Variants in RPS6KA4 observed in about 807,000 individuals in gnomAD.
The protein encoded by RPS6KA4 is ribosomal protein S6 kinase alpha-4.
RPS6KA4 carries 38 observed loss-of-function variants against 89.6 expected under a neutral mutation model. The observed-to-expected ratio is 0.42, with a 90% CI of 0.33 to 0.56. The LOEUF is 0.56. Among genes scored for constraint, RPS6KA4 ranks in the 20% least tolerant of loss-of-function variants. RPS6KA4 has a pLI of 0.07. For missense variants in RPS6KA4, 873 were observed against 1,098.8 expected (o/e 0.79, Z 2.90); for synonymous variants, 495 against 492.8 (o/e 1.00, Z -0.06).
chr11:64,371,822 C>T lies in RPS6KA4; in HGVS notation c.*342C>T. The T allele has an allele frequency of 4.7e-6, 1 of 211,462 alleles. No homozygotes were observed. The highest frequency in any genetic ancestry group is 9.3e-6 in the Non-Finnish European group (1 of 106,978). 13.1% of individuals were successfully genotyped at this position (211,462 alleles called of 1,614,324 possible). Reference sequence around the variant, plus strand: ...CTAAGCACTGAGTTAGGAGTGCTAACTCCTAAACTGGGACCCCCTACCCTG... The same window carrying T: ...CTAAGCACTGAGTTAGGAGTGCTAATTCCTAAACTGGGACCCCCTACCCTG... On this transcript the variant is annotated 3_prime_UTR_variant, in exon 17 of 17. Transcript: ENST00000334205.
At chr11:64,371,186 A>G (rs1359491160) in intron 16 of RPS6KA4, 97 bp from the exon 17 acceptor site, 28 of 1,187,834 alleles carry the variant, frequency 2.4e-5, no homozygotes, top group Non-Finnish European at 3.2e-5. Context: ...GCCTTGACCT[A>G]GGCGGCTGGA....
In RPS6KA4 at chr11:64,359,440, G is replaced by C. The variant is rs1400337592; in HGVS notation, c.118G>C (p.Gly40Arg). ...GAACTTCGAGCTGCTCAAGGTGCTGGGCACGGGAGGTGAGGACCCCCATCC... is the reference window on the plus strand; with the variant it reads ...GAACTTCGAGCTGCTCAAGGTGCTGCGCACGGGAGGTGAGGACCCCCATCC... ...VENFELLKVL[G>R]TGAYGKVFLV... Residue 40 changes from glycine (G) to arginine (R), a missense_variant, in exon 2 of 17, where the codon GGC becomes CGC. Coordinates refer to ENST00000334205, the MANE Select transcript of RPS6KA4 (RefSeq NM_003942.3). The C allele has an allele frequency of 6.2e-7, 1 of 1,613,394 alleles. No individual in the cohort carries two copies.
rs984346984 is a variant in RPS6KA4, at chr11:64,361,202, C to T, written c.531C>T (p.Leu177=). ...VLLDSEGHIV[L]TDFGLSKEFL... ...TGGACTCCGAGGGCCACATTGTCCTCACGGACTTCGGGCTGAGCAAGGAGT... is the reference window on the plus strand; with the variant it reads ...TGGACTCCGAGGGCCACATTGTCCTTACGGACTTCGGGCTGAGCAAGGAGT... The change falls in exon 5 of 17, where the codon CTC becomes CTT. Residue 177 remains leucine (L), a synonymous_variant. Coordinates refer to ENST00000334205, the MANE Select transcript of RPS6KA4 (RefSeq NM_003942.3). This position sits in a 1 kb window ranked among gnomAD's most constrained non-coding sequence, Gnocchi z 4.7. The T allele has an allele frequency of 3.1e-6, 5 of 1,613,492 alleles. No homozygotes were observed. Among genetic ancestry groups the T allele is most frequent in the African/African-American group, 1.3e-5 (1 of 75,046 alleles).
At position 64,369,557 on chromosome 11, in the gene RPS6KA4, G is replaced by T. The variant is rs2036996280; in HGVS notation, c.1540G>T (p.Val514Leu). 3 of 1,606,902 alleles carry T rather than the reference G, an allele frequency of 1.9e-6. No homozygotes were observed. The highest frequency in any genetic ancestry group is 2.5e-6 in the Non-Finnish European group (3 of 1,177,308). ...SEASQILRSL[V>L]SAVSFMHEEA... ...AGCAAGCCAGATCCTGCGCAGCCTC[G>T]TGTCGGCCGTGAGCTTCATGCACGA... The change falls in exon 13 of 17, where the codon GTG (valine) becomes TTG (leucine). Residue 514 changes from valine to leucine, a missense_variant. Around this residue, in one of 4 missense-constraint regions of RPS6KA4, gnomAD observed 542 missense variants for 736.4 expected, o/e 0.74. Transcript: ENST00000334205.
intron 4 of RPS6KA4, 175 bp from the exon 5 acceptor site, chr11:64,360,956 CCTT>C: frequency 6.8e-6 from 4 of 584,586 alleles, no homozygotes; most frequent in South Asian, 2.2e-5. Flanking sequence ...ACGGGGCCCT[CCTT>C]CTTTGTTTTA....
At position 64,361,933 on chromosome 11, in the gene RPS6KA4, G is replaced by A; in HGVS notation, c.837G>A (p.Lys279=). The A allele has an allele frequency of 6.2e-7, 1 of 1,611,382 alleles. No homozygotes were observed. The highest frequency in any genetic ancestry group is 8.5e-7 in the Non-Finnish European group (1 of 1,179,382). Residue 279 remains lysine, a synonymous_variant, in exon 8 of 17, where the codon AAG becomes AAA. Transcript: ENST00000334205. The surrounding 1 kb of genome is among the most constrained non-coding windows in gnomAD (Gnocchi z 4.7). ...AQDLLQRLLC[K]DPKKRLGAGP... is the part of the protein sequence containing the mutation. ...ACCTGCTGCAGCGGCTGCTTTGTAA[G>A]GATCCTAAGAAGCGATTGGGCGCGG...
rs777217932 is a variant in RPS6KA4, at chr11:64,368,718, C to T, written c.1349C>T (p.Thr450Met). Residue 450 changes from threonine (T) to methionine (M), a missense_variant, in exon 12 of 17, where the codon ACG becomes ATG. Transcript: ENST00000334205. The stretch of plus-strand genomic sequence containing the variant: ...CCGTCCCCCAGGCTGGAGGCGAACA[C>T]GCAGCGCGAAGTGGCTGCCCTGCGC... ...KILSRRLEAN[T>M]QREVAALRLC... is the part of the protein sequence containing the mutation. 5.1e-6 allele frequency: 8 copies of T among 1,577,596 alleles called. No homozygotes were observed. The highest frequency in any genetic ancestry group is 1.2e-5 in the South Asian group (1 of 86,414).
intron 8 of RPS6KA4, 28 bp from the exon 9 acceptor site, chr11:64,365,273 C>T (rs2036850673): frequency 6.2e-7 from 1 of 1,603,602 alleles, no homozygotes; most frequent in East Asian, 2.2e-5. Context: ...TGGCCTTTGA[C>T]ACCTGACCTC....
At position 64,369,577 on chromosome 11, in the gene RPS6KA4, G is replaced by A. The variant is rs369855912; in HGVS notation, c.1560G>A (p.Met520Ile). ...GCCTCGTGTCGGCCGTGAGCTTCATGCACGAGGAGGCGGGCGTGGTGCACC... is the reference window on the plus strand; with the variant it reads ...GCCTCGTGTCGGCCGTGAGCTTCATACACGAGGAGGCGGGCGTGGTGCACC... ...LRSLVSAVSFMHEEAGVVHRD... is the reference protein window; with the variant it reads ...LRSLVSAVSFIHEEAGVVHRD... The change falls in exon 13 of 17, where the codon ATG becomes ATA. Residue 520 changes from methionine (M) to isoleucine (I), a missense_variant. Physicochemically the swap from Met to Ile is conservative, Grantham distance 10 (BLOSUM62 1). Coordinates refer to ENST00000334205, the MANE Select transcript of RPS6KA4 (RefSeq NM_003942.3). 1.0e-5 allele frequency: 16 copies of A among 1,606,212 alleles called. No individual in the cohort carries two copies. Among genetic ancestry groups the A allele is most frequent in the African/African-American group, 1.3e-5 (1 of 74,844 alleles).
Position 64,369,499 on chromosome 11 carries a change from C to T in RPS6KA4, c.1482C>T (p.His494=). 1 of 1,610,358 alleles carries T rather than the reference C, an allele frequency of 6.2e-7. No homozygotes were observed. The change falls in exon 13 of 17, where the codon CAC becomes CAT. Residue 494 remains histidine, a synonymous_variant. Transcript: ENST00000334205. ...ELLRGGELLE[H]IRKKRHFSES... is the part of the protein sequence containing the mutation. ...TGCGGGGCGGGGAGCTGCTGGAGCA[C>T]ATCCGCAAGAAGCGGCACTTCAGCG...
At chr11:64,369,392 G>A (rs2036987920) in intron 12 of RPS6KA4, 54 bp from the exon 13 acceptor site, 45 of 1,502,046 alleles carry the variant, frequency 3.0e-5, no homozygotes, top group Non-Finnish European at 4.0e-5. Context: ...GGTGGTGGGA[G>A]GGGGCTTGCC....
rs1308301460 is a variant in RPS6KA4 at position 64,361,056 on chromosome 11, C to G, written c.463-78C>G. 7.8e-7 allele frequency: 1 copy of G among 1,275,470 alleles called. No homozygotes were observed. The highest frequency in any genetic ancestry group is 2.4e-5 in the East Asian group (1 of 42,290). The allele number at this position is 1,275,470 out of a possible 1,614,324, so 79.0% of individuals were successfully genotyped here. On this transcript the variant is annotated intron_variant, in intron 4 of 16. Transcript: ENST00000334205. This position sits in a 1 kb window ranked among gnomAD's most constrained non-coding sequence, Gnocchi z 4.7. ...GACTTTCTCTGGGGGGTCTCCTTAT[C>G]CTGAGCAGGGCCAGGAGCTGGAGGA...
Position 64,370,909 on chromosome 11 carries a change from G to T in RPS6KA4, c.2121+183G>T, listed in dbSNP as rs1382415892. Among the ~76,000 whole-genome samples, 1 of 152,028 alleles carries T rather than the reference G, an allele frequency of 6.6e-6. No individual in the cohort carries two copies. Among genetic ancestry groups the T allele is most frequent in the Non-Finnish European group, 1.5e-5 (1 of 68,000 alleles). On this transcript the variant is annotated intron_variant, in intron 16 of 16. Transcript: ENST00000334205. This position sits in a 1 kb window ranked among gnomAD's most constrained non-coding sequence, Gnocchi z 4.1. ...TCACGAGGTCAGGGGTTCGAGACCA[G>T]CCTGAACAACATGGTGAAACCCCGT...
intron 9 of RPS6KA4, among the ~76,000 whole-genome samples, chr11:64,366,939 C>A (rs482936): frequency 1.5e-4 from 23 of 152,312 alleles, no homozygotes; most frequent in Non-Finnish European, 2.8e-4. Context: ...ATTGACAACT[C>A]TGTGCTTGAA....
rs140349334 is a variant in RPS6KA4, at chr11:64,370,234, C to T, written c.1807C>T (p.Leu603=). The T allele has an allele frequency of 1.1e-5, 17 of 1,557,330 alleles. No individual in the cohort carries two copies. Among genetic ancestry groups the T allele is most frequent in the Admixed American group, 6.6e-5 (3 of 45,178 alleles). The change falls in exon 15 of 17, where the codon CTG becomes TTG. Residue 603 remains leucine (L), a synonymous_variant. Coordinates refer to ENST00000334205, the MANE Select transcript of RPS6KA4 (RefSeq NM_003942.3). This position sits in a 1 kb window ranked among gnomAD's most constrained non-coding sequence, Gnocchi z 4.1. ...CCCCTCACCCTCCTAGTACATGATG[C>T]TGTCGGGGCAGGTCCCCTTCCAGGG... ...WSLGVILYMM[L]SGQVPFQGAS...
rs1339408476 is a variant in RPS6KA4 at position 64,369,717 on chromosome 11, G to A, written c.1621G>A (p.Asp541Asn). 6.2e-7 allele frequency: 1 copy of A among 1,609,052 alleles called. No individual in the cohort carries two copies. The highest frequency in any genetic ancestry group is 8.5e-7 in the Non-Finnish European group (1 of 1,177,366). Reference protein sequence around the residue: ...LKPENILYADDTPGAPVKIID... With the variant: ...LKPENILYADNTPGAPVKIID... The stretch of plus-strand genomic sequence containing the variant: ...CTCGCAGAACATCCTGTACGCCGAC[G>A]ACACGCCCGGGGCCCCGGTGAAAAT... The change falls in exon 14 of 17, where the codon GAC becomes AAC. Residue 541 changes from aspartate to asparagine, a missense_variant. Physicochemically the swap from Asp to Asn is conservative, Grantham distance 23. Transcript: ENST00000334205.
At chr11:64,362,797 A>G (rs1248823925) in intron 8 of RPS6KA4, among the ~76,000 whole-genome samples, 1 of 152,166 alleles carries the variant, frequency 6.6e-6, no homozygotes, top group Admixed American at 6.5e-5. Flanking sequence ...CAGCCTCCCA[A>G]GTAGCTGGGA....
chr11:64,361,764 G>A lies in RPS6KA4; in HGVS notation c.755+19G>A. 1.3e-6 allele frequency: 2 copies of A among 1,592,138 alleles called. No homozygotes were observed. The highest frequency in any genetic ancestry group is 1.7e-6 in the Non-Finnish European group (2 of 1,171,136). On this transcript the variant is annotated intron_variant, in intron 7 of 16. Transcript: ENST00000334205. The surrounding 1 kb of genome is among the most constrained non-coding windows in gnomAD (Gnocchi z 4.7). ...TGTCTCGGTGAGTAGGGCTGGACGTGGAGGGCGGCCAGAGGGCTGCAGGGC... is the reference window on the plus strand; with the variant it reads ...TGTCTCGGTGAGTAGGGCTGGACGTAGAGGGCGGCCAGAGGGCTGCAGGGC...
rs1448771324 is a variant in RPS6KA4 at position 64,361,323 on chromosome 11, G to A, written c.570+82G>A. ...TCTTCCTGCTCTGGGCCTGCATTCT[G>A]GGGCTGCAGAAGTGAATAGCTCCAA... is the stretch of plus-strand genomic sequence containing the variant. On this transcript the variant is annotated intron_variant, in intron 5 of 16. Coordinates refer to ENST00000334205, the MANE Select transcript of RPS6KA4 (RefSeq NM_003942.3). This position sits in a 1 kb window ranked among gnomAD's most constrained non-coding sequence, Gnocchi z 4.7. 1 of 1,464,900 alleles carries A rather than the reference G, an allele frequency of 6.8e-7. No homozygotes were observed. The highest frequency in any genetic ancestry group is 9.5e-7 in the Non-Finnish European group (1 of 1,054,628). The allele number at this position is 1,464,900 out of a possible 1,614,324, so 90.7% of individuals were successfully genotyped here.
Sources: gnomAD v4.1 joint callset for allele counts (sites outside exome capture counted in the v4.1 genomes callset) on GRCh38, gnomAD v4.1.1 for gene constraint, gnomAD v4.1.1 regional missense constraint, Gnocchi (gnomAD v3.1) non-coding constraint, MANE v1.5 for transcripts, NCBI Gene and HGNC (gene_info 2026-07-23, HGNC 2026-07-21) for gene names.